The following JPH1 variants were observed in gnomAD, a reference collection of about 807,000 sequenced individuals.
JPH1 encodes junctophilin 1.
Under a neutral mutation model 53.6 loss-of-function variants are expected in JPH1, and 12 were observed. The ratio of observed to expected loss-of-function variants is 0.22; its 90% CI spans 0.14 to 0.36. The LOEUF (loss-of-function observed/expected upper bound fraction) is 0.36. Among genes scored for constraint, JPH1 ranks in the 10% least tolerant of loss-of-function variants. The pLI, the probability that JPH1 is intolerant of heterozygous loss-of-function variation, is 1.00. For synonymous variants in JPH1, 375 were observed against 363.8 expected (o/e 1.03, Z -0.35); for missense variants, 808 against 905.5 (o/e 0.89, Z 1.38).
intron 2 of JPH1, among the ~76,000 whole-genome samples, chr8:74,272,769 A>C (rs999993703): frequency 1.3e-5 from 2 of 151,720 alleles, no homozygotes; most frequent in Non-Finnish European, 2.9e-5. Flanking sequence ...ATGCCCGGCT[A>C]ATTTTTTTTT....
At chr8:74,268,253 G>T (rs1168915888) in intron 2 of JPH1, among the ~76,000 whole-genome samples, 1 of 152,174 alleles carries the variant, frequency 6.6e-6, no homozygotes, top group Non-Finnish European at 1.5e-5. Flanking sequence ...AAGAGGTAAA[G>T]ATTTGGAGTC....
At chr8:74,267,717 T>G (rs1806574945) in intron 2 of JPH1, among the ~76,000 whole-genome samples, 1 of 152,148 alleles carries the variant, frequency 6.6e-6, no homozygotes, top group Non-Finnish European at 1.5e-5. Flanking sequence ...GCAGGAAATC[T>G]GGATAGTAAC....
intron 3 of JPH1, among the ~76,000 whole-genome samples, chr8:74,247,375 T>G (rs1805888651): frequency 6.6e-6 from 1 of 152,210 alleles, no homozygotes; most frequent in Non-Finnish European, 1.5e-5. Context: ...ATTAAAATAG[T>G]CAAGGGCCTT....
intron 2 of JPH1, among the ~76,000 whole-genome samples, chr8:74,311,949 T>C (rs959027104): frequency 7.9e-5 from 12 of 152,068 alleles, no homozygotes; most frequent in African/African-American, 2.9e-4. Context: ...GTTCCAAGTC[T>C]TTGCTATTGT....
intron 1 of JPH1, among the ~76,000 whole-genome samples, chr8:74,316,382 T>A (rs561011257): frequency 6.6e-6 from 1 of 152,334 alleles, no homozygotes; most frequent in East Asian, 1.9e-4. Context: ...GCATCCTCTA[T>A]GGATTTCCCT....
intron 3 of JPH1, among the ~76,000 whole-genome samples, chr8:74,251,015 G>A (rs1806033956): frequency 6.6e-6 from 1 of 152,298 alleles, no homozygotes; most frequent in South Asian, 2.1e-4. Flanking sequence ...AGAACAAGAA[G>A]CATGAGCTGA....
chr8:74,237,813 C>A (rs1586726958), intron 4 of JPH1, among the ~76,000 whole-genome samples: 1 of 152,168 alleles, frequency 6.6e-6, no homozygotes. Context: ...TGTTTGGACA[C>A]CACCCTTTCC....
chr8:74,276,671 G>A (rs1806857877), intron 2 of JPH1, among the ~76,000 whole-genome samples: 1 of 152,200 alleles, frequency 6.6e-6, no homozygotes, highest in Admixed American at 6.5e-5. Context: ...AGTGGCGGAA[G>A]CAAGGGTGAC....
chr8:74,308,130 C>T (rs1250772244), intron 2 of JPH1, among the ~76,000 whole-genome samples: 2 of 152,212 alleles, frequency 1.3e-5, no homozygotes, highest in African/African-American at 4.8e-5. Context: ...TAAGCTCCCA[C>T]ATTCTGGTAT....
At chr8:74,314,784 C>T in intron 2 of JPH1, 77 bp downstream of exon 2, 2 of 1,497,694 alleles carry the variant, frequency 1.3e-6, no homozygotes, top group Middle Eastern at 3.5e-4. Context: ...ATGTCACTGG[C>T]AGATAGACAA....
chr8:74,304,044 C>T (rs1283072344), intron 2 of JPH1, among the ~76,000 whole-genome samples: 1 of 152,188 alleles, frequency 6.6e-6, no homozygotes, highest in Non-Finnish European at 1.5e-5. Flanking sequence ...TTCTGGAAAA[C>T]ACCCACACAT....
intron 2 of JPH1, among the ~76,000 whole-genome samples, chr8:74,310,296 A>G (rs535636251): frequency 1.3e-5 from 2 of 152,230 alleles, no homozygotes; most frequent in East Asian, 1.9e-4. Flanking sequence ...CTTAAAAAAA[A>G]AAAAAAAAGG....
At chr8:74,299,709 A>G (rs1032570165) in intron 2 of JPH1, among the ~76,000 whole-genome samples, 1 of 152,040 alleles carries the variant, frequency 6.6e-6, no homozygotes, top group African/African-American at 2.4e-5. Flanking sequence ...TTACATAGAC[A>G]CTGTTTATGG....
chr8:74,272,212 T>A (rs968821431), intron 2 of JPH1, among the ~76,000 whole-genome samples: 4 of 152,178 alleles, frequency 2.6e-5, no homozygotes, highest in African/African-American at 9.7e-5. Context: ...TCAACTAGAT[T>A]TTCTACCTCC....
chr8:74,308,233 G>A (rs1807894575), intron 2 of JPH1, among the ~76,000 whole-genome samples: 1 of 152,146 alleles, frequency 6.6e-6, no homozygotes, highest in Admixed American at 6.5e-5. Context: ...CATCTGGAAG[G>A]GAATCTCTTA....
intron 2 of JPH1, among the ~76,000 whole-genome samples, chr8:74,267,714 A>G (rs1013295030): frequency 6.6e-6 from 1 of 152,200 alleles, no homozygotes; most frequent in African/African-American, 2.4e-5. Flanking sequence ...GAAGCAGGAA[A>G]TCTGGATAGT....
At chr8:74,258,181 C>T (rs982785263) in intron 3 of JPH1, among the ~76,000 whole-genome samples, 2 of 152,100 alleles carry the variant, frequency 1.3e-5, no homozygotes, top group Admixed American at 1.3e-4. Flanking sequence ...GGGCTAGGGA[C>T]AGGATGCTAG....
At chr8:74,275,657 T>A (rs1806825145) in intron 2 of JPH1, among the ~76,000 whole-genome samples, 1 of 152,222 alleles carries the variant, frequency 6.6e-6, no homozygotes, top group Non-Finnish European at 1.5e-5. Context: ...CAAGAGGTTG[T>A]GTATTCACTA....
At chr8:74,247,750 C>T (rs917844078) in intron 3 of JPH1, among the ~76,000 whole-genome samples, 4 of 151,860 alleles carry the variant, frequency 2.6e-5, no homozygotes, top group Non-Finnish European at 4.4e-5. Flanking sequence ...GTGATGCCCT[C>T]GTCACAAAAA....
Sources: gnomAD v4.1 joint callset for allele counts (sites outside exome capture counted in the v4.1 genomes callset) on GRCh38, gnomAD v4.1.1 for gene constraint, MANE v1.5 for transcripts, NCBI Gene and HGNC (gene_info 2026-07-23, HGNC 2026-07-21) for gene names.